DGKI: variants seen among roughly 807,000 people sequenced by gnomAD.
DGKI encodes the protein diacylglycerol kinase iota, also known as DAG kinase iota.
Under a neutral mutation model 147.5 loss-of-function variants are expected in DGKI, and 55 were observed. That is an observed-to-expected ratio of 0.37 (90% CI 0.30 to 0.47). DGKI has a LOEUF of 0.47. DGKI is among the 20% of genes least tolerant of loss of function. The pLI is 1.00. For synonymous variants in DGKI, 469 were observed against 477.1 expected (o/e 0.98, Z 0.22); for missense variants, 1,007 against 1,323.8 (o/e 0.76, Z 3.71).
At position 137,633,504 on chromosome 7, in the gene DGKI, G is replaced by A. The variant is rs544662573; in HGVS notation, c.805-9950C>T. On this transcript the variant is annotated intron_variant, in intron 6 of 32. Coordinates refer to ENST00000614521, the MANE Select transcript of DGKI (RefSeq NM_001321708.2). The stretch of plus-strand genomic sequence containing the variant: ...TTATCTTAATTTTGAAAGCTCTGAC[G>A]ATGGTATTGTGTTTACATTTCCAAA... Among the ~76,000 whole-genome samples, 119 of 152,146 alleles carry A rather than the reference G, an allele frequency of 7.8e-4. 1 individual carries two copies. Among genetic ancestry groups the A allele is most frequent in the Non-Finnish European group, 1.4e-3 (97 of 68,032 alleles).
chr7:137,620,430 C>T (rs750891932), intron 7 of DGKI, among the ~76,000 whole-genome samples: 1 of 152,170 alleles, frequency 6.6e-6, no homozygotes, highest in African/African-American at 2.4e-5. Context: ...ATGCCTACCA[C>T]CTGCCTTTCC....
At chr7:137,519,720 G>C (rs753502839) in intron 21 of DGKI, among the ~76,000 whole-genome samples, 5 of 151,970 alleles carry the variant, frequency 3.3e-5, no homozygotes, top group African/African-American at 4.8e-5. Context: ...GTTGGAACCA[G>C]GCAAAAGAGT....
At chr7:137,563,770 A>C (rs1262455641) in intron 19 of DGKI, among the ~76,000 whole-genome samples, 4 of 152,090 alleles carry the variant, frequency 2.6e-5, no homozygotes, top group African/African-American at 9.6e-5. Flanking sequence ...TGAAGCTACA[A>C]AACATTGTTG....
rs191931878 is a variant in DGKI at position 137,598,135 on chromosome 7, T to C, written c.1251-228A>G. On this transcript the variant is annotated intron_variant, in intron 11 of 32. Transcript: ENST00000614521. ...TTATTTTTGAATGAATAATTCAACG[T>C]TGGAATTTAAGGGATTTTAGGATGT... Among the ~76,000 whole-genome samples, 882 of 152,366 alleles carry C rather than the reference T, an allele frequency of 5.8e-3. 4 individuals carry two copies. The highest frequency in any genetic ancestry group is 0.02 in the Middle Eastern group (6 of 294).
chr7:137,817,474 T>C (rs1797773691), intron 1 of DGKI, among the ~76,000 whole-genome samples: 1 of 152,164 alleles, frequency 6.6e-6, no homozygotes, highest in Non-Finnish European at 1.5e-5. Flanking sequence ...AATAACAAAG[T>C]GTTTATTTGA....
intron 23 of DGKI, among the ~76,000 whole-genome samples, chr7:137,472,329 G>GT (rs1814976964): frequency 1.6e-4 from 1 of 6,328 alleles, no homozygotes; most frequent in African/African-American, 2.1e-4. Flanking sequence ...ATTATTATAT[G>GT]TATATATACA....
intron 28 of DGKI, among the ~76,000 whole-genome samples, chr7:137,424,749 A>T (rs1812718793): frequency 6.6e-6 from 1 of 151,292 alleles, no homozygotes; most frequent in Admixed American, 6.5e-5. Flanking sequence ...TCGCACCTGG[A>T]TTGGAGGGTC....
At chr7:137,398,191 G>T (rs1680726933) in intron 30 of DGKI, among the ~76,000 whole-genome samples, 1 of 152,116 alleles carries the variant, frequency 6.6e-6, no homozygotes, top group Non-Finnish European at 1.5e-5. Flanking sequence ...TTTATGTACT[G>T]ACCCTATTTC....
intron 19 of DGKI, among the ~76,000 whole-genome samples, chr7:137,561,196 A>T (rs1409561346): frequency 1.4e-5 from 2 of 147,574 alleles, no homozygotes; most frequent in Non-Finnish European, 1.5e-5. Flanking sequence ...AACAAAAAAT[A>T]AAAAAAAAAA....
intron 28 of DGKI, among the ~76,000 whole-genome samples, chr7:137,426,834 C>T (rs1812829548): frequency 6.6e-6 from 1 of 152,000 alleles, no homozygotes; most frequent in Non-Finnish European, 1.5e-5. Context: ...GGGATCAATT[C>T]AACAAGAAGA....
intron 1 of DGKI, among the ~76,000 whole-genome samples, chr7:137,834,819 G>A (rs1798318135): frequency 6.6e-6 from 1 of 152,200 alleles, no homozygotes; most frequent in Non-Finnish European, 1.5e-5. Context: ...CAGGGCCAAG[G>A]GCTTCAAGGC....
At chr7:137,577,837 C>A (rs562874337) in intron 16 of DGKI, among the ~76,000 whole-genome samples, 7 of 152,188 alleles carry the variant, frequency 4.6e-5, no homozygotes, top group Non-Finnish European at 1.0e-4. Context: ...CTCACGTATG[C>A]GTCCATGAAA....
chr7:137,547,466 A>G (rs1282944161), intron 20 of DGKI, among the ~76,000 whole-genome samples: 1 of 152,264 alleles, frequency 6.6e-6, no homozygotes, highest in Non-Finnish European at 1.5e-5. Context: ...CATGTGGACC[A>G]TAGCTTGAAA....
At chr7:137,571,572 T>C (rs1435440807) in intron 18 of DGKI, among the ~76,000 whole-genome samples, 1 of 152,262 alleles carries the variant, frequency 6.6e-6, no homozygotes, top group Non-Finnish European at 1.5e-5. Flanking sequence ...CTGTTTTCTA[T>C]GATATATCAT....
chr7:137,786,273 T>A (rs758783791), intron 1 of DGKI, among the ~76,000 whole-genome samples: 1 of 152,070 alleles, frequency 6.6e-6, no homozygotes, highest in Non-Finnish European at 1.5e-5. Flanking sequence ...TCAGCAATGT[T>A]TCAGGATACA....
chr7:137,680,046 C>T (rs1283516569), intron 2 of DGKI, among the ~76,000 whole-genome samples: 2 of 146,506 alleles, frequency 1.4e-5, no homozygotes, highest in Non-Finnish European at 3.0e-5. Context: ...CTCAATGTGA[C>T]AGAATGTGGA....
intron 23 of DGKI, among the ~76,000 whole-genome samples, chr7:137,476,794 TAAGTA>T (rs1334568654): frequency 6.6e-6 from 1 of 152,214 alleles, no homozygotes; most frequent in African/African-American, 2.4e-5. Context: ...GGTGAGAATT[TAAGTA>T]AACTACCCAG....
chr7:137,408,191 CT>C (rs1448560868), intron 29 of DGKI, among the ~76,000 whole-genome samples, 196 bp from the exon 30 acceptor site: 1 of 152,202 alleles, frequency 6.6e-6, no homozygotes, highest in African/African-American at 2.4e-5. Context: ...TCTCTTCTAA[CT>C]CTGGAGAGAG....
rs1289173992 is a variant in DGKI, at chr7:137,387,839, C to A, written c.*3381G>T. On this transcript the variant is annotated 3_prime_UTR_variant, in exon 33 of 33. Coordinates refer to ENST00000614521, the MANE Select transcript of DGKI (RefSeq NM_001321708.2). ...ATTGACATGTAATAAAATAAAGATG[C>A]TGTGTCATTTTTTAAAGCCATGAAT... 2.6e-5 allele frequency: 4 copies of A among 152,010 alleles called. No homozygotes were observed. The highest frequency in any genetic ancestry group is 1.3e-4 in the Admixed American group (2 of 15,252). 9.4% of individuals were successfully genotyped at this position (152,010 alleles called of 1,614,324 possible).
Sources: gnomAD v4.1 joint callset for allele counts (sites outside exome capture counted in the v4.1 genomes callset) on GRCh38, gnomAD v4.1.1 for gene constraint, MANE v1.5 for transcripts, NCBI Gene and HGNC (gene_info 2026-07-23, HGNC 2026-07-21) for gene names.